The following CLSTN1 variants were observed in gnomAD, a reference collection of about 807,000 sequenced individuals.
CLSTN1 encodes the protein calsyntenin 1, also known as calsyntenin-1.
In CLSTN1, 28 loss-of-function variants were observed where a neutral mutation model predicts 108.3. The observed-to-expected ratio is 0.26, with a 90% CI of 0.19 to 0.35. The LOEUF is 0.35. CLSTN1 is among the 10% of genes least tolerant of loss of function. The pLI is 1.00. For missense variants in CLSTN1, 1,157 were observed against 1,302.6 expected (o/e 0.89, Z 1.72); for synonymous variants, 524 against 534.9 (o/e 0.98, Z 0.28).
chr1:9,780,290 A>G (rs904894141), intron 1 of CLSTN1, among the ~76,000 whole-genome samples: 2 of 152,242 alleles, frequency 1.3e-5, no homozygotes, highest in African/African-American at 2.4e-5. Flanking sequence ...AAAACTAAAT[A>G]TTCTTCTAAT....
At chr1:9,802,554 A>T (rs1160129247) in intron 1 of CLSTN1, among the ~76,000 whole-genome samples, 1 of 152,160 alleles carries the variant, frequency 6.6e-6, no homozygotes, top group Non-Finnish European at 1.5e-5. Flanking sequence ...TTCCTGACTC[A>T]ACTGTACATG....
At chr1:9,813,498 CA>C (rs200184305) in intron 1 of CLSTN1, among the ~76,000 whole-genome samples, 289 of 114,222 alleles carry the variant, frequency 2.5e-3, no homozygotes, top group Middle Eastern at 4.9e-3. Context: ...GACTCTGTCT[CA>C]AAAAAAAAAA....
At chr1:9,781,483 A>G (rs1653244766) in intron 1 of CLSTN1, among the ~76,000 whole-genome samples, 1 of 149,754 alleles carries the variant, frequency 6.7e-6, no homozygotes, top group South Asian at 2.1e-4. Flanking sequence ...CGCTCTTGTC[A>G]CCCAGGCTGG....
At chr1:9,806,350 A>G (rs1380159236) in intron 1 of CLSTN1, among the ~76,000 whole-genome samples, 1 of 152,156 alleles carries the variant, frequency 6.6e-6, no homozygotes, top group African/African-American at 2.4e-5. Flanking sequence ...TTTAAAGTCC[A>G]TGGTAATTTT....
At chr1:9,782,946 G>A (rs1308775684) in intron 1 of CLSTN1, among the ~76,000 whole-genome samples, 4 of 152,242 alleles carry the variant, frequency 2.6e-5, no homozygotes, top group African/African-American at 7.2e-5. Flanking sequence ...GGCGGAGGCT[G>A]CAGTAAGCTG....
chr1:9,766,215 C>T (rs1016823129), intron 2 of CLSTN1, among the ~76,000 whole-genome samples: 12 of 152,044 alleles, frequency 7.9e-5, no homozygotes, highest in African/African-American at 2.9e-4. Context: ...GCTAGAACAC[C>T]ACCACCTCCT....
chr1:9,796,473 G>A (rs1345926474), intron 1 of CLSTN1, among the ~76,000 whole-genome samples: 1 of 148,248 alleles, frequency 6.7e-6, no homozygotes, highest in Non-Finnish European at 1.5e-5. Flanking sequence ...TCAGGAAATC[G>A]AGACCATCCT....
chr1:9,731,268 C>T lies in CLSTN1; in HGVS notation c.2686G>A (p.Gly896Arg), dbSNP rs1387125116. ...TCCCAGTCCATCTCGTTCTCCTTCCCGGTGTCCTGATCCCGCATGGTCCGC... is the reference window on the plus strand; with the variant it reads ...TCCCAGTCCATCTCGTTCTCCTTCCTGGTGTCCTGATCCCGCATGGTCCGC... The part of the protein sequence containing the change: ...HRRTMRDQDT[G>R]KENEMDWDDS... The change falls in exon 18 of 19, where the codon GGG becomes AGG. Residue 896 changes from glycine (G) to arginine (R), a missense_variant. Coordinates refer to ENST00000377298, the MANE Select transcript of CLSTN1 (RefSeq NM_001009566.3). The T allele has an allele frequency of 6.8e-6, 11 of 1,614,148 alleles. No individual in the cohort carries two copies. Among genetic ancestry groups the T allele is most frequent in the South Asian group, 2.2e-5 (2 of 91,090 alleles).
chr1:9,793,943 T>A (rs1653877373), intron 1 of CLSTN1, among the ~76,000 whole-genome samples: 1 of 151,536 alleles, frequency 6.6e-6, no homozygotes, highest in East Asian at 2.0e-4. Flanking sequence ...AACAGACACC[T>A]TCCCCCATAA....
chr1:9,737,672 C>T (rs193223557), intron 10 of CLSTN1, 118 bp from the exon 11 acceptor site: 1,014 of 853,024 alleles, frequency 1.2e-3, no homozygotes, highest in Non-Finnish European at 1.8e-3. Flanking sequence ...AAAATTCCCT[C>T]GTGATCCCGC....
At chr1:9,780,986 A>G (rs1653216105) in intron 1 of CLSTN1, 2 of 474,082 alleles carry the variant, frequency 4.2e-6, no homozygotes, top group Middle Eastern at 5.6e-4. Flanking sequence ...CTGTGGTGTC[A>G]TGTCGGTGCT....
chr1:9,776,698 T>C (rs1337339808), intron 1 of CLSTN1, among the ~76,000 whole-genome samples: 1 of 152,130 alleles, frequency 6.6e-6, no homozygotes, highest in Non-Finnish European at 1.5e-5. Flanking sequence ...TCAGAACCCC[T>C]GTACACCAAA....
At chr1:9,743,767 A>C (rs1651100192) in intron 9 of CLSTN1, 117 bp downstream of exon 9, 8 of 1,119,892 alleles carry the variant, frequency 7.1e-6, no homozygotes, top group Non-Finnish European at 7.6e-6. Flanking sequence ...AATGTTGCCC[A>C]GGCTGGTCTC....
At chr1:9,757,877 C>T (rs547406001) in intron 2 of CLSTN1, among the ~76,000 whole-genome samples, 2 of 152,168 alleles carry the variant, frequency 1.3e-5, no homozygotes, top group Non-Finnish European at 2.9e-5. Flanking sequence ...GGTAACACGA[C>T]CTGAATTCCC....
rs1429105717 is a variant in CLSTN1, at chr1:9,729,312, AGTGCTATGTGGGTTTTAG to A, written c.*1178_*1195del. ...AAATTTTACATGTAACTAAGAGCAA[AGTGCTATGTGGGTTTTAG>A]ACCATGACTGTTTGTTTGCTCTCCT... On this transcript the variant is annotated 3_prime_UTR_variant, in exon 19 of 19. Transcript: ENST00000377298. The A allele has an allele frequency of 3.3e-5, 5 of 152,616 alleles. No homozygotes were observed. Among genetic ancestry groups the A allele is most frequent in the African/African-American group, 1.2e-4 (5 of 41,436 alleles). The allele number at this position is 152,616 out of a possible 1,614,324, so 9.5% of individuals were successfully genotyped here.
intron 2 of CLSTN1, among the ~76,000 whole-genome samples, chr1:9,767,191 G>C (rs1248925967): frequency 1.3e-5 from 2 of 152,210 alleles, no homozygotes; most frequent in Non-Finnish European, 2.9e-5. Context: ...TGGCAGACAC[G>C]CTGAGCCTGG....
At chr1:9,805,130 A>G (rs1654452248) in intron 1 of CLSTN1, among the ~76,000 whole-genome samples, 1 of 152,210 alleles carries the variant, frequency 6.6e-6, no homozygotes, top group Admixed American at 6.5e-5. Context: ...AAAAGAAAAA[A>G]AAGAAAAGAA....
intron 2 of CLSTN1, among the ~76,000 whole-genome samples, chr1:9,762,278 A>G (rs1032580718): frequency 1.3e-5 from 2 of 152,108 alleles, no homozygotes; most frequent in African/African-American, 2.4e-5. Flanking sequence ...CCTGGTCAAC[A>G]TGGTGAAACC....
chr1:9,744,067 G>C, intron 8 of CLSTN1, 62 bp from the exon 9 acceptor site: 1 of 1,591,012 alleles, frequency 6.3e-7, no homozygotes, highest in Non-Finnish European at 8.6e-7. Context: ...AATTAAAGCT[G>C]TTTCTTGAAT....
Sources: gnomAD v4.1 joint callset for allele counts (sites outside exome capture counted in the v4.1 genomes callset) on GRCh38, gnomAD v4.1.1 for gene constraint, MANE v1.5 for transcripts, NCBI Gene and HGNC (gene_info 2026-07-23, HGNC 2026-07-21) for gene names.